NEDD4L: variants seen among roughly 807,000 people sequenced by gnomAD.
NEDD4L encodes E3 ubiquitin-protein ligase NEDD4-like.
In NEDD4L, 54 loss-of-function variants were observed where a neutral mutation model predicts 148.9. The observed-to-expected ratio is 0.36, with a 90% CI of 0.29 to 0.45. The LOEUF is 0.45. NEDD4L is among the 20% of genes least tolerant of loss of function. The pLI, the probability that NEDD4L is intolerant of heterozygous loss-of-function variation, is 1.00. For synonymous variants in NEDD4L, 433 were observed against 440.7 expected, an observed-to-expected ratio of 0.98 and a Z score of 0.22; for missense variants, 856 against 1,233.8, an observed-to-expected ratio of 0.69 and a Z score of 4.59.
chr18:58,236,770 T>C (rs1460836165), intron 2 of NEDD4L, among the ~76,000 whole-genome samples: 1 of 152,200 alleles, frequency 6.6e-6, no homozygotes, highest in East Asian at 1.9e-4. Flanking sequence ...ACGCCTGTAA[T>C]CCCAGCACTT....
intron 2 of NEDD4L, among the ~76,000 whole-genome samples, chr18:58,202,872 T>C (rs1334783731): frequency 1.3e-5 from 2 of 152,210 alleles, no homozygotes; most frequent in Non-Finnish European, 2.9e-5. Flanking sequence ...ACTATGTAAG[T>C]TACTAGTTCA....
At chr18:58,166,100 C>T (rs1490257068) in intron 2 of NEDD4L, among the ~76,000 whole-genome samples, 1 of 152,172 alleles carries the variant, frequency 6.6e-6, no homozygotes, top group African/African-American at 2.4e-5. Context: ...TTCACATGGG[C>T]TAATTTCATG....
chr18:58,082,102 ATTTTTTT>A (rs1192932128), intron 1 of NEDD4L, among the ~76,000 whole-genome samples: 1 of 48,856 alleles, frequency 2.0e-5, no homozygotes, highest in Admixed American at 3.3e-4. Context: ...ATATATATAT[ATTTTTTT>A]TTTTTTTTTT....
At chr18:58,295,960 A>G (rs2055502691) in intron 5 of NEDD4L, among the ~76,000 whole-genome samples, 1 of 151,968 alleles carries the variant, frequency 6.6e-6, no homozygotes, top group African/African-American at 2.4e-5. Context: ...TTCATTTTTG[A>G]TTGCCTTTGT....
At chr18:58,284,378 G>A (rs530956367) in intron 5 of NEDD4L, among the ~76,000 whole-genome samples, 36 of 152,282 alleles carry the variant, frequency 2.4e-4, no homozygotes, top group African/African-American at 8.4e-4. Context: ...TTTTGGAAGT[G>A]AAGAGTAAAA....
chr18:58,115,616 G>A (rs900718208), intron 1 of NEDD4L, among the ~76,000 whole-genome samples: 2 of 152,088 alleles, frequency 1.3e-5, no homozygotes, highest in African/African-American at 4.8e-5. Flanking sequence ...GGGGATTGAG[G>A]ATTTTTGGAC....
At position 58,214,645 on chromosome 18, in the gene NEDD4L, T is replaced by TG. The variant is rs1555740085; in HGVS notation, c.123-30782_123-30781insG. On this transcript the variant is annotated intron_variant, in intron 2 of 30. Transcript: ENST00000400345. ...TGTGTGTGTGTGTGTGTGTGTGTGT[T>TG]TTGTTGTTGTTGTTGTTTTAAACGG... Among the ~76,000 whole-genome samples the TG allele has an allele frequency of 7.2e-4, 89 of 123,816 alleles. 1 individual carries two copies. The highest frequency in any genetic ancestry group is 6.8e-3 in the East Asian group (32 of 4,676). The allele number at this position is 123,816 out of a possible 152,430, so 81.2% of individuals were successfully genotyped here.
chr18:58,186,117 A>G (rs2039459861), intron 2 of NEDD4L, among the ~76,000 whole-genome samples: 1 of 150,592 alleles, frequency 6.6e-6, no homozygotes, highest in Non-Finnish European at 1.5e-5. Flanking sequence ...GGGAACAGAG[A>G]AGGATGCACA....
chr18:58,177,491 C>T (rs1234226012), intron 2 of NEDD4L, among the ~76,000 whole-genome samples: 1 of 152,122 alleles, frequency 6.6e-6, no homozygotes, highest in Non-Finnish European at 1.5e-5. Flanking sequence ...CCGGCGTCCC[C>T]ACCCCAGGAG....
At position 58,105,945 on chromosome 18, in the gene NEDD4L, A is replaced by G. The variant is rs147666416; in HGVS notation, c.49-59843A>G. Among the ~76,000 whole-genome samples the G allele has an allele frequency of 4.8e-4, 73 of 152,334 alleles. 1 individual carries two copies. The highest frequency in any genetic ancestry group is 9.0e-4 in the Non-Finnish European group (61 of 68,030). ...CAGGGTCAGGCTTCAGCATAATGAG[A>G]TTCCAGAAATTGTTATGAAAAAAGA... is the stretch of plus-strand genomic sequence containing the variant. On this transcript the variant is annotated intron_variant, in intron 1 of 30. Transcript: ENST00000400345.
intron 1 of NEDD4L, among the ~76,000 whole-genome samples, chr18:58,083,498 TA>T (rs1216440993): frequency 6.6e-6 from 1 of 152,058 alleles, no homozygotes; most frequent in Non-Finnish European, 1.5e-5. Context: ...CCATCCTGGC[TA>T]ACACAGTGAA....
intron 1 of NEDD4L, among the ~76,000 whole-genome samples, chr18:58,135,292 A>G (rs781592384): frequency 3.9e-5 from 6 of 152,334 alleles, no homozygotes; most frequent in Non-Finnish European, 5.9e-5. Context: ...TGATGTGGCA[A>G]ATTGGCCCAG....
chr18:58,301,738 G>A (rs1007645449), intron 5 of NEDD4L, among the ~76,000 whole-genome samples: 1 of 152,130 alleles, frequency 6.6e-6, no homozygotes, highest in African/African-American at 2.4e-5. Context: ...GAAACATGGT[G>A]CGTATTTCTG....
intron 2 of NEDD4L, among the ~76,000 whole-genome samples, chr18:58,217,446 T>C (rs116992819): frequency 1.3e-5 from 2 of 152,364 alleles, no homozygotes; most frequent in Non-Finnish European, 2.9e-5. Flanking sequence ...ATAAGTGATA[T>C]AGTACATTCT....
At chr18:58,078,945 G>A (rs1403161863) in intron 1 of NEDD4L, among the ~76,000 whole-genome samples, 5 of 152,260 alleles carry the variant, frequency 3.3e-5, no homozygotes, top group Admixed American at 6.5e-5. Flanking sequence ...TGTCATTGAG[G>A]GAAAATAATA....
At chr18:58,149,524 G>A (rs180753714) in intron 1 of NEDD4L, 1 of 1,551,318 alleles carries the variant, frequency 6.4e-7, no homozygotes, top group East Asian at 2.4e-5. Context: ...CTTTAATATT[G>A]TATTCTCCTA....
At chr18:58,143,739 C>T (rs181567756) in intron 1 of NEDD4L, among the ~76,000 whole-genome samples, 69 of 152,252 alleles carry the variant, frequency 4.5e-4, no homozygotes, top group African/African-American at 1.5e-3. Flanking sequence ...TGCGGGTGGT[C>T]CCTGTGAAGA....
intron 24 of NEDD4L, among the ~76,000 whole-genome samples, 161 bp from the exon 25 acceptor site, chr18:58,383,085 A>G (rs1185958523): frequency 1.3e-5 from 2 of 152,210 alleles, no homozygotes; most frequent in Non-Finnish European, 2.9e-5. Context: ...ACATCCTAGC[A>G]AAAAAGCCTC....
chr18:58,175,731 G>A (rs1194135108), intron 2 of NEDD4L, among the ~76,000 whole-genome samples: 1 of 152,152 alleles, frequency 6.6e-6, no homozygotes, highest in African/African-American at 2.4e-5. Flanking sequence ...CCCCCAAACC[G>A]AAATGACATT....
Sources: gnomAD v4.1 joint callset for allele counts (sites outside exome capture counted in the v4.1 genomes callset) on GRCh38, gnomAD v4.1.1 for gene constraint, MANE v1.5 for transcripts, NCBI Gene and HGNC (gene_info 2026-07-23, HGNC 2026-07-21) for gene names.